TMC2: variants seen among roughly 807,000 people sequenced by gnomAD.
TMC2 encodes the protein transmembrane channel-like protein 2.
Under a neutral mutation model 105.9 loss-of-function variants are expected in TMC2, and 102 were observed. The ratio of observed to expected loss-of-function variants is 0.96; its 90% CI spans 0.82 to 1.14. The LOEUF (loss-of-function observed/expected upper bound fraction) is 1.14. Among genes scored for constraint, TMC2 ranks in the 50% most tolerant of loss-of-function variants. The pLI is 0.00. For synonymous variants in TMC2, 402 were observed against 422.8 expected (o/e 0.95, Z 0.60); for missense variants, 1,093 against 1,134.3 (o/e 0.96, Z 0.52).
At chr20:2,572,048 A>G (rs1046585051) in intron 4 of TMC2, 131 bp from the exon 5 acceptor site, 12 of 711,094 alleles carry the variant, frequency 1.7e-5, no homozygotes, top group Non-Finnish European at 2.8e-5. Context: ...TCGTGCCTTC[A>G]TGGAATTTAT....
chr20:2,594,225 CTTTTT>C (rs565664102), intron 8 of TMC2, among the ~76,000 whole-genome samples: 1 of 113,756 alleles, frequency 8.8e-6, no homozygotes, highest in Non-Finnish European at 1.8e-5. Flanking sequence ...CTAAGGATTC[CTTTTT>C]TTTTTTTTTT....
intron 3 of TMC2, among the ~76,000 whole-genome samples, chr20:2,559,183 G>T (rs2086007746): frequency 6.6e-6 from 1 of 152,162 alleles, no homozygotes; most frequent in South Asian, 2.1e-4. Context: ...GAACAAAATC[G>T]GACTCAGGAA....
At chr20:2,569,092 T>C (rs1205441794) in intron 4 of TMC2, among the ~76,000 whole-genome samples, 1 of 152,204 alleles carries the variant, frequency 6.6e-6, no homozygotes, top group Admixed American at 6.5e-5. Context: ...TGGTTGCTGA[T>C]AAACTAGCTT....
intron 12 of TMC2, among the ~76,000 whole-genome samples, chr20:2,611,872 G>A (rs1394705793): frequency 7.6e-6 from 1 of 131,326 alleles, no homozygotes; most frequent in African/African-American, 3.0e-5. Flanking sequence ...ATGGATGGGT[G>A]GGTGGGTGGG....
At chr20:2,613,449 A>C (rs751412774) in intron 14 of TMC2, 127 bp downstream of exon 14, 1 of 1,366,202 alleles carries the variant, frequency 7.3e-7, no homozygotes, top group African/African-American at 1.4e-5. Flanking sequence ...TGCTCTGTAG[A>C]GTAGTAAAGT....
At chr20:2,550,472 G>A (rs1286806233) in intron 2 of TMC2, among the ~76,000 whole-genome samples, 1 of 152,164 alleles carries the variant, frequency 6.6e-6, no homozygotes, top group Non-Finnish European at 1.5e-5. Flanking sequence ...TACAACTGAT[G>A]GGCCAATACG....
Position 2,571,811 on chromosome 20 carries a change from G to A in TMC2, c.555-368G>A, listed in dbSNP as rs191061085. ...GCTCAGGAGGTCAAGAGCAGCCTGA[G>A]CAACACAGTGAGACCCTATCTCTAA... On this transcript the variant is annotated intron_variant, in intron 4 of 19. Coordinates refer to ENST00000358864, the MANE Select transcript of TMC2 (RefSeq NM_080751.3). Among the ~76,000 whole-genome samples the A allele has an allele frequency of 8.0e-4, 122 of 152,290 alleles. 1 individual carries two copies. Among genetic ancestry groups the A allele is most frequent in the African/African-American group, 2.7e-3 (111 of 41,560 alleles).
chr20:2,636,631 TTTG>T (rs1415396178), intron 18 of TMC2, among the ~76,000 whole-genome samples: 4 of 151,790 alleles, frequency 2.6e-5, no homozygotes, highest in African/African-American at 9.7e-5. Context: ...TGTTTGTTTG[TTTG>T]TTTGTTTTAA....
chr20:2,538,789 T>C (rs2085869086), intron 2 of TMC2, among the ~76,000 whole-genome samples: 1 of 152,196 alleles, frequency 6.6e-6, no homozygotes. Flanking sequence ...AGGGGTGCAG[T>C]AAAGTTAAAC....
intron 9 of TMC2, 62 bp downstream of exon 9, chr20:2,595,029 A>C (rs920736279): frequency 4.4e-5 from 68 of 1,556,716 alleles, no homozygotes; most frequent in Non-Finnish European, 5.8e-5. Flanking sequence ...TCCCCTGGCC[A>C]CTCTATGCCT....
At position 2,617,119 on chromosome 20, in the gene TMC2, G is replaced by T; in HGVS notation, c.1988G>T (p.Arg663Leu). Residue 663 changes from arginine (R) to leucine (L), a missense_variant, in exon 16 of 20, where the codon CGC becomes CTC. By Grantham distance (102) the Arg-to-Leu change is moderately radical. Coordinates refer to ENST00000358864, the MANE Select transcript of TMC2 (RefSeq NM_080751.3). ...APGLVGINVLRLLTSMYFQCW... is the reference protein window; with the variant it reads ...APGLVGINVLLLLTSMYFQCW... ...GGCCTGGTGGGCATTAATGTGCTGCGCCTGCTGACCTCCATGTACTTCCAG... is the reference window on the plus strand; with the variant it reads ...GGCCTGGTGGGCATTAATGTGCTGCTCCTGCTGACCTCCATGTACTTCCAG... 2 of 1,614,132 alleles carry T rather than the reference G, an allele frequency of 1.2e-6. No homozygotes were observed. The highest frequency in any genetic ancestry group is 1.7e-6 in the Non-Finnish European group (2 of 1,180,016).
At chr20:2,636,668 G>T (rs533003714) in intron 18 of TMC2, among the ~76,000 whole-genome samples, 3 of 152,222 alleles carry the variant, frequency 2.0e-5, no homozygotes, top group Non-Finnish European at 4.4e-5. Flanking sequence ...TCTGTCACCA[G>T]GCTGGAGTGC....
intron 7 of TMC2, among the ~76,000 whole-genome samples, chr20:2,591,737 G>GAAGAA (rs556667169): frequency 7.7e-4 from 117 of 151,904 alleles, no homozygotes; most frequent in Middle Eastern, 6.8e-3. Flanking sequence ...AGAGAAAAGA[G>GAAGAA]AAGAAAAGAA....
At chr20:2,572,997 G>A (rs1042552474) in intron 5 of TMC2, among the ~76,000 whole-genome samples, 1 of 151,598 alleles carries the variant, frequency 6.6e-6, no homozygotes, top group African/African-American at 2.4e-5. Context: ...TCCAGCCTTA[G>A]TGGCAGCCTT....
At chr20:2,563,835 G>A (rs370097710) in intron 4 of TMC2, among the ~76,000 whole-genome samples, 3 of 150,348 alleles carry the variant, frequency 2.0e-5, no homozygotes, top group African/African-American at 4.8e-5. Context: ...CAAGTGATCC[G>A]CCTGCCACAA....
intron 4 of TMC2, among the ~76,000 whole-genome samples, chr20:2,564,782 G>C (rs894926653): frequency 1.3e-5 from 2 of 152,176 alleles, no homozygotes; most frequent in African/African-American, 4.8e-5. Context: ...GAGAAGCCAA[G>C]GAGACCTATG....
chr20:2,618,136 A>G (rs1489347221), intron 16 of TMC2: 1 of 152,208 alleles, frequency 6.6e-6, no homozygotes, highest in Non-Finnish European at 1.5e-5. Context: ...GTATATTTGT[A>G]CCAGTTAACC....
At chr20:2,552,168 G>T (rs1484890422) in intron 2 of TMC2, among the ~76,000 whole-genome samples, 1 of 152,184 alleles carries the variant, frequency 6.6e-6, no homozygotes, top group East Asian at 1.9e-4. Flanking sequence ...TGAGGTGGGA[G>T]GATTGCTTGA....
chr20:2,556,465 A>G (rs899825943), intron 2 of TMC2, among the ~76,000 whole-genome samples: 6 of 152,166 alleles, frequency 3.9e-5, no homozygotes, highest in Non-Finnish European at 7.4e-5. Flanking sequence ...TTCCCTCTGA[A>G]GAACCTCCTT....
Sources: allele counts gnomAD v4.1 joint callset (sites outside exome capture counted in the v4.1 genomes callset), GRCh38; gene constraint gnomAD v4.1.1; transcripts MANE v1.5; gene names NCBI Gene and HGNC (gene_info 2026-07-23, HGNC 2026-07-21).